GRID1: variants seen among roughly 807,000 people sequenced by gnomAD.
GRID1 encodes glutamate ionotropic receptor delta type subunit 1.
A neutral mutation model predicts 98.0 loss-of-function variants in GRID1; 28 were observed. The ratio of observed to expected loss-of-function variants is 0.29; its 90% CI spans 0.21 to 0.39. The LOEUF is 0.39. Ranked by LOEUF, GRID1 falls within the 10% of genes least tolerant of loss-of-function variation. The pLI is 1.00. For missense variants in GRID1, 1,111 were observed against 1,340.5 expected (o/e 0.83, Z 2.67); for synonymous variants, 553 against 538.5 (o/e 1.03, Z -0.37).
At chr10:85,811,862 C>G (rs977853947) in intron 8 of GRID1, among the ~76,000 whole-genome samples, 2 of 152,030 alleles carry the variant, frequency 1.3e-5, no homozygotes, top group African/African-American at 4.8e-5. Flanking sequence ...TCAAAGGACC[C>G]CAAATAGATT....
chr10:85,751,366 G>T (rs1441181438), intron 8 of GRID1, among the ~76,000 whole-genome samples: 1 of 152,200 alleles, frequency 6.6e-6, no homozygotes, highest in African/African-American at 2.4e-5. Context: ...TTTGAGAAGG[G>T]TTTGCACAGG....
At chr10:85,895,020 T>A (rs1248271749) in intron 5 of GRID1, among the ~76,000 whole-genome samples, 1,330 of 131,754 alleles carry the variant, frequency 0.01, 30 homozygotes, top group African/African-American at 0.035. Context: ...AAAAAAAATA[T>A]ATATATATAT....
chr10:86,201,297 A>T (rs1845946952), intron 3 of GRID1, among the ~76,000 whole-genome samples: 1 of 152,248 alleles, frequency 6.6e-6, no homozygotes, highest in African/African-American at 2.4e-5. Context: ...ATTAAAAAAC[A>T]ATCTCAGAAG....
chr10:86,094,631 A>C (rs1200327727), intron 4 of GRID1, among the ~76,000 whole-genome samples: 1 of 150,304 alleles, frequency 6.7e-6, no homozygotes, highest in Non-Finnish European at 1.5e-5. Context: ...ACTGAGGAAT[A>C]TACCTAACAA....
intron 8 of GRID1, among the ~76,000 whole-genome samples, chr10:85,767,534 C>T (rs1398802836): frequency 6.6e-6 from 1 of 152,152 alleles, no homozygotes; most frequent in Admixed American, 6.5e-5. Context: ...TAGACAAATA[C>T]GACCTGAAAG....
chr10:85,955,671 G>A (rs545242113), intron 4 of GRID1, among the ~76,000 whole-genome samples: 3 of 152,144 alleles, frequency 2.0e-5, no homozygotes, highest in Non-Finnish European at 4.4e-5. Context: ...GGTCTCTTTC[G>A]ACAGAGCAAG....
At chr10:86,107,291 A>G (rs758062476) in intron 4 of GRID1, among the ~76,000 whole-genome samples, 1 of 152,336 alleles carries the variant, frequency 6.6e-6, no homozygotes, top group Non-Finnish European at 1.5e-5. Context: ...CCAAACAGCT[A>G]TTCTGCTGGA....
intron 12 of GRID1, among the ~76,000 whole-genome samples, chr10:85,685,768 A>G (rs1009172110): frequency 1.3e-5 from 2 of 152,182 alleles, no homozygotes; most frequent in Non-Finnish European, 2.9e-5. Context: ...CAAAGATGAC[A>G]CTGTGCTGAA....
chr10:85,835,566 C>A lies in GRID1; in HGVS notation c.1233+18930G>T, dbSNP rs541138930. On this transcript the variant is annotated intron_variant, in intron 8 of 15. Coordinates refer to ENST00000327946, the MANE Select transcript of GRID1 (RefSeq NM_017551.3). The stretch of plus-strand genomic sequence containing the variant: ...CTTCCATCATGATTGTGAGGCCTAC[C>A]CAGTCATGTGGAACTGTGAGTCAAT... Among the ~76,000 whole-genome samples the A allele has an allele frequency of 8.2e-4, 125 of 152,278 alleles. 1 individual carries two copies. The highest frequency in any genetic ancestry group is 2.9e-3 in the South Asian group (14 of 4,820).
intron 2 of GRID1, among the ~76,000 whole-genome samples, chr10:86,214,141 T>C (rs1846143790): frequency 6.6e-6 from 1 of 152,170 alleles, no homozygotes; most frequent in African/African-American, 2.4e-5. Context: ...GTGCTGTCCC[T>C]GCTTAAAATC....
At chr10:85,655,602 C>T (rs1469846879) in intron 12 of GRID1, among the ~76,000 whole-genome samples, 2 of 152,206 alleles carry the variant, frequency 1.3e-5, no homozygotes, top group Admixed American at 6.5e-5. Context: ...GACCACTAGC[C>T]TCCAGGAGAC....
intron 8 of GRID1, among the ~76,000 whole-genome samples, chr10:85,737,523 A>G (rs1841895142): frequency 6.6e-6 from 1 of 151,846 alleles, no homozygotes; most frequent in East Asian, 1.9e-4. Context: ...ACCAACTCCA[A>G]TAATGCCATC....
chr10:86,154,108 A>C (rs951878321), intron 3 of GRID1, among the ~76,000 whole-genome samples: 1 of 152,034 alleles, frequency 6.6e-6, no homozygotes. Context: ...TAGTATGATC[A>C]ATGCCAGTGG....
chr10:86,197,592 G>A (rs1378586882), intron 3 of GRID1, among the ~76,000 whole-genome samples: 1 of 152,078 alleles, frequency 6.6e-6, no homozygotes, highest in Non-Finnish European at 1.5e-5. Flanking sequence ...GGTGTGTGGT[G>A]AGAAGAGGAA....
chr10:86,132,687 G>T (rs959977716), intron 4 of GRID1, among the ~76,000 whole-genome samples: 2 of 152,202 alleles, frequency 1.3e-5, no homozygotes, highest in African/African-American at 4.8e-5. Flanking sequence ...ACAACAGAAC[G>T]TTGAGATTGC....
chr10:85,949,419 A>C (rs1842091075), intron 4 of GRID1, among the ~76,000 whole-genome samples: 1 of 152,334 alleles, frequency 6.6e-6, no homozygotes, highest in African/African-American at 2.4e-5. Context: ...TTGTCATAAA[A>C]CAATACATCA....
intron 12 of GRID1, among the ~76,000 whole-genome samples, chr10:85,651,427 C>T (rs1306219493): frequency 1.3e-5 from 2 of 152,196 alleles, no homozygotes; most frequent in Non-Finnish European, 2.9e-5. Flanking sequence ...CCATCTGTCT[C>T]CCCAGTGAGA....
chr10:85,790,265 C>T (rs1326176118), intron 8 of GRID1, among the ~76,000 whole-genome samples: 1 of 152,186 alleles, frequency 6.6e-6, no homozygotes, highest in African/African-American at 2.4e-5. Context: ...CTGGCAGATA[C>T]CAGGAACTCA....
At chr10:85,636,950 A>T (rs1843051480) in intron 13 of GRID1, among the ~76,000 whole-genome samples, 1 of 152,202 alleles carries the variant, frequency 6.6e-6, no homozygotes, top group Admixed American at 6.5e-5. Flanking sequence ...TGTTCATTAC[A>T]ATGTTATTTA....
Sources: allele counts gnomAD v4.1 joint callset (sites outside exome capture counted in the v4.1 genomes callset), GRCh38; gene constraint gnomAD v4.1.1; transcripts MANE v1.5; gene names NCBI Gene and HGNC (gene_info 2026-07-23, HGNC 2026-07-21).